Variants in ADAM32 observed in about 807,000 individuals in gnomAD.
The protein encoded by ADAM32 is ADAM metallopeptidase domain 32, also known as disintegrin and metalloproteinase domain-containing protein 32.
ADAM32 carries 89 observed loss-of-function variants against 114.9 expected under a neutral mutation model. That is an observed-to-expected ratio of 0.77 (90% CI 0.65 to 0.92). The LOEUF is 0.92. ADAM32 is among the 40% of genes least tolerant of loss of function. ADAM32 has a pLI of 0.00. For missense variants in ADAM32, 870 were observed against 932.8 expected, an observed-to-expected ratio of 0.93 and a Z score of 0.88; for synonymous variants, 285 against 307.5, an observed-to-expected ratio of 0.93 and a Z score of 0.77.
chr8:39,154,033 C>T (rs1585412494), intron 6 of ADAM32, among the ~76,000 whole-genome samples: 2 of 139,444 alleles, frequency 1.4e-5, no homozygotes. Flanking sequence ...GAAAGTTCCT[C>T]ATATATATAT....
At chr8:39,267,647 A>G (rs1812449838) in intron 19 of ADAM32, among the ~76,000 whole-genome samples, 1 of 152,204 alleles carries the variant, frequency 6.6e-6, no homozygotes, top group African/African-American at 2.4e-5. Flanking sequence ...TGCTTCTCAT[A>G]GTTCTGGTTG....
In ADAM32 at chr8:39,158,061, C is replaced by A; in HGVS notation, c.526-2836C>A. ...CCTCTTTGTAGCCTTTGCCCTTGGTCACCCGTTTGATGTCAATCATCTTGT... is the reference window on the plus strand; with the variant it reads ...CCTCTTTGTAGCCTTTGCCCTTGGTAACCCGTTTGATGTCAATCATCTTGT... On this transcript the variant is annotated intron_variant, in intron 6 of 24. Coordinates refer to ENST00000379907, the MANE Select transcript of ADAM32 (RefSeq NM_145004.7). 1.6e-5 allele frequency: 4 copies of A among 252,524 alleles called. No individual in the cohort carries two copies. In the South Asian group the frequency reaches 2.4e-4, roughly 15 times the overall value. 15.6% of individuals were successfully genotyped at this position (252,524 alleles called of 1,614,324 possible).
chr8:39,199,659 A>C (rs1484608808), intron 11 of ADAM32, among the ~76,000 whole-genome samples: 1 of 151,992 alleles, frequency 6.6e-6, no homozygotes, highest in Non-Finnish European at 1.5e-5. Flanking sequence ...TCTAGGGTAC[A>C]TGTGAACAAT....
chr8:39,186,043 A>T (rs921186961), intron 10 of ADAM32, among the ~76,000 whole-genome samples: 1 of 152,198 alleles, frequency 6.6e-6, no homozygotes, highest in Non-Finnish European at 1.5e-5. Context: ...GTCCTCAGCC[A>T]TGTCAATCCA....
intron 6 of ADAM32, chr8:39,157,899 G>A (rs1165674891): frequency 2.2e-6 from 1 of 457,442 alleles, no homozygotes; most frequent in Non-Finnish European, 4.1e-6. Flanking sequence ...GTTGATCTCA[G>A]TGCAGTGATA....
At chr8:39,178,996 G>C (rs190055271) in intron 10 of ADAM32, among the ~76,000 whole-genome samples, 2 of 152,276 alleles carry the variant, frequency 1.3e-5, no homozygotes, top group Non-Finnish European at 2.9e-5. Flanking sequence ...CCAGTCAGGA[G>C]GAATGGGATC....
chr8:39,234,214 T>A, intron 16 of ADAM32, 132 bp downstream of exon 16: 2 of 678,990 alleles, frequency 2.9e-6, no homozygotes, highest in Non-Finnish European at 4.2e-6. Context: ...TGAATGATCT[T>A]AAATTAGTCT....
intron 17 of ADAM32, among the ~76,000 whole-genome samples, chr8:39,253,426 G>T (rs1269679528): frequency 6.6e-6 from 1 of 151,630 alleles, no homozygotes; most frequent in African/African-American, 2.4e-5. Context: ...CCTAGATGAA[G>T]CAATGAGGCA....
At chr8:39,257,085 A>G (rs1272553388) in intron 18 of ADAM32, 102 bp from the exon 19 acceptor site, 17 of 1,155,414 alleles carry the variant, frequency 1.5e-5, no homozygotes, top group Non-Finnish European at 2.0e-5. Context: ...TCCTTGAATA[A>G]CAATACAAAT....
intron 6 of ADAM32, among the ~76,000 whole-genome samples, chr8:39,160,534 C>A: frequency 1.2e-5 from 1 of 81,070 alleles, no homozygotes; most frequent in Non-Finnish European, 2.3e-5. Context: ...AGCGAGACTC[C>A]ATCTCAAAAA....
At chr8:39,272,101 G>GAAAAAAAAAA (rs11366445) in intron 20 of ADAM32, among the ~76,000 whole-genome samples, 14 of 65,804 alleles carry the variant, frequency 2.1e-4, no homozygotes, top group African/African-American at 4.2e-4. Flanking sequence ...GTGAGCTCCA[G>GAAAAAAAAAA]AAAAAAAAAA....
intron 12 of ADAM32, among the ~76,000 whole-genome samples, chr8:39,219,653 A>G (rs529617888): frequency 6.6e-6 from 1 of 152,314 alleles, no homozygotes; most frequent in Non-Finnish European, 1.5e-5. Flanking sequence ...GCTGTTGACA[A>G]TTCAAGACAT....
chr8:39,153,959 A>C (rs537031077), intron 6 of ADAM32, among the ~76,000 whole-genome samples: 16 of 151,762 alleles, frequency 1.1e-4, no homozygotes, highest in Admixed American at 9.2e-4. Flanking sequence ...GGATCCCCAC[A>C]GATATCATCG....
intron 11 of ADAM32, among the ~76,000 whole-genome samples, chr8:39,198,861 T>C (rs1166011941): frequency 6.6e-6 from 1 of 152,182 alleles, no homozygotes; most frequent in African/African-American, 2.4e-5. Context: ...TACTTCCTGG[T>C]TTAGGATTCT....
rs1456824498 is a variant in ADAM32, at chr8:39,257,280, T to C, written c.2099T>C (p.Ile700Thr). 2 of 1,613,058 alleles carry C rather than the reference T, an allele frequency of 1.2e-6. No individual in the cohort carries two copies. Among genetic ancestry groups the C allele is most frequent in the African/African-American group, 1.3e-5 (1 of 74,840 alleles). Residue 700 changes from isoleucine to threonine, a missense_variant, in exon 19 of 25, where the codon ATA (isoleucine) becomes ACA (threonine). Coordinates refer to ENST00000379907, the MANE Select transcript of ADAM32 (RefSeq NM_145004.7). ...ALPILIVTTA[I>T]VLARKQLKKW... ...CCTATTCTCATTGTAACAACCGCAA[T>C]AGTTTTGGCAAGGAAACAGTTGAAA... is the stretch of plus-strand genomic sequence containing the variant.
At chr8:39,282,482 T>C (rs1813481924) in intron 23 of ADAM32, among the ~76,000 whole-genome samples, 1 of 152,194 alleles carries the variant, frequency 6.6e-6, no homozygotes, top group Non-Finnish European at 1.5e-5. Flanking sequence ...GCATCATCTA[T>C]AGGGTAATAT....
intron 22 of ADAM32, among the ~76,000 whole-genome samples, chr8:39,277,632 C>T (rs1813158064): frequency 1.3e-5 from 2 of 152,216 alleles, no homozygotes; most frequent in African/African-American, 4.8e-5. Flanking sequence ...CTGGAACCAG[C>T]CGGCCATTTC....
chr8:39,172,997 C>T (rs539261066), intron 10 of ADAM32, among the ~76,000 whole-genome samples: 4 of 152,346 alleles, frequency 2.6e-5, no homozygotes, highest in African/African-American at 7.2e-5. Flanking sequence ...CAGTGGCTCA[C>T]GCCTATAATC....
At chr8:39,134,345 G>C (rs1248915903) in intron 2 of ADAM32, among the ~76,000 whole-genome samples, 1 of 152,016 alleles carries the variant, frequency 6.6e-6, no homozygotes, top group Non-Finnish European at 1.5e-5. Context: ...AGGCTCAGGG[G>C]CTCTCCTGTG....
Sources: allele counts gnomAD v4.1 joint callset (sites outside exome capture counted in the v4.1 genomes callset), GRCh38; gene constraint gnomAD v4.1.1; transcripts MANE v1.5; gene names NCBI Gene and HGNC (gene_info 2026-07-23, HGNC 2026-07-21).